ADGRD1: variants seen among roughly 807,000 people sequenced by gnomAD.
ADGRD1 encodes the protein adhesion G protein-coupled receptor D1.
A neutral mutation model predicts 113.4 loss-of-function variants in ADGRD1; 77 were observed. The observed-to-expected ratio is 0.68, with a 90% CI of 0.57 to 0.82. The LOEUF (loss-of-function observed/expected upper bound fraction) is 0.82, where lower values mean the gene tolerates loss of function less well. Ranked by LOEUF, ADGRD1 falls within the 40% of genes least tolerant of loss-of-function variation. ADGRD1 has a pLI of 0.00. For synonymous variants in ADGRD1, 474 were observed against 475.0 expected (o/e 1.00, Z 0.03); for missense variants, 1,036 against 1,139.1 (o/e 0.91, Z 1.30).
At chr12:130,979,131 C>G (rs1872665251) in intron 4 of ADGRD1, among the ~76,000 whole-genome samples, 1 of 152,210 alleles carries the variant, frequency 6.6e-6, no homozygotes, top group Non-Finnish European at 1.5e-5. Context: ...TCTGTGCAAC[C>G]CCCACAGTCG....
At position 130,957,227 on chromosome 12, in the gene ADGRD1, C is replaced by A. The variant is rs1869731759; in HGVS notation, c.103+2567C>A. 9 of 152,442 alleles carry A rather than the reference C, an allele frequency of 5.9e-5. No homozygotes were observed. The South Asian group carries it at 1.4e-3, about 25-fold the overall frequency. 9.4% of individuals were successfully genotyped at this position (152,442 alleles called of 1,614,324 possible). A position where few individuals can be genotyped will look rare whatever the true frequency, so the allele number is the denominator to read the frequency against. On this transcript the variant is annotated intron_variant, in intron 2 of 24. Coordinates refer to ENST00000261654, the MANE Select transcript of ADGRD1 (RefSeq NM_198827.5). ...GTCCACACATATCCACGTGTCTACA[C>A]ACATGACCACACAGTCACAGACTAC... is the stretch of plus-strand genomic sequence containing the variant.
intron 15 of ADGRD1, among the ~76,000 whole-genome samples, chr12:131,104,624 C>T (rs142578557): frequency 8.4e-4 from 128 of 152,142 alleles, no homozygotes; most frequent in African/African-American, 2.8e-3. Flanking sequence ...CTCGGGGCAC[C>T]GGACATGCAC....
intron 24 of ADGRD1, among the ~76,000 whole-genome samples, chr12:131,138,659 C>T (rs1381039659): frequency 6.6e-6 from 1 of 152,312 alleles, no homozygotes; most frequent in East Asian, 1.9e-4. Context: ...TCCCCGCACA[C>T]GGTGCTCAAT....
Position 131,084,719 on chromosome 12 carries a change from G to T in ADGRD1, c.1671+56G>T. 6.3e-7 allele frequency: 1 copy of T among 1,586,638 alleles called. No individual in the cohort carries two copies. Among genetic ancestry groups the T allele is most frequent in the East Asian group, 2.3e-5 (1 of 43,654 alleles). On this transcript the variant is annotated intron_variant, in intron 15 of 24. Transcript: ENST00000261654. The surrounding 1 kb of genome is among the most constrained non-coding windows in gnomAD (Gnocchi z 4.5). The stretch of plus-strand genomic sequence containing the variant: ...CTGGGGGACGTACCATGAGGCTGCA[G>T]GTGGGGGCGGGAGGATGCTTTGCCC...
At chr12:131,108,369 C>T (rs1950278887) in intron 17 of ADGRD1, among the ~76,000 whole-genome samples, 1 of 152,104 alleles carries the variant, frequency 6.6e-6, no homozygotes, top group African/African-American at 2.4e-5. Flanking sequence ...TTCCATAGTC[C>T]CTGCCTTAGC....
chr12:131,094,001 GAGCACCCAGCCTCAGCACCCAGCGTC>G (rs1566103772), intron 15 of ADGRD1, among the ~76,000 whole-genome samples: 4 of 62,146 alleles, frequency 6.4e-5, no homozygotes, highest in Non-Finnish European at 1.4e-4. Flanking sequence ...ACCCAGCCCT[GAGCACCCAGCCTCAGCACCCAGCGTC>G]AGCACCCAGC....
chr12:131,109,870 T>C (rs1950313303), intron 18 of ADGRD1, among the ~76,000 whole-genome samples: 1 of 152,240 alleles, frequency 6.6e-6, no homozygotes, highest in Admixed American at 6.5e-5. Flanking sequence ...TTCAATTTGT[T>C]GATGTTGTTT....
At chr12:131,090,090 G>A (rs1033082133) in intron 15 of ADGRD1, among the ~76,000 whole-genome samples, 2 of 152,154 alleles carry the variant, frequency 1.3e-5, no homozygotes, top group African/African-American at 2.4e-5. Flanking sequence ...GACGACTTAC[G>A]GTCTCGATCC....
intron 15 of ADGRD1, among the ~76,000 whole-genome samples, chr12:131,100,885 T>C (rs763517802): frequency 5.9e-5 from 9 of 152,220 alleles, no homozygotes; most frequent in African/African-American, 2.2e-4. Context: ...TTAAAAGATA[T>C]TAATCAGTGA....
intron 15 of ADGRD1, among the ~76,000 whole-genome samples, chr12:131,100,584 G>A (rs1441995055): frequency 6.6e-6 from 1 of 152,110 alleles, no homozygotes; most frequent in Non-Finnish European, 1.5e-5. Flanking sequence ...TTGGTTGATG[G>A]TGGGTTGATT....
chr12:131,055,117 G>C (rs563622028), intron 13 of ADGRD1, among the ~76,000 whole-genome samples: 2 of 152,176 alleles, frequency 1.3e-5, no homozygotes, highest in Admixed American at 1.3e-4. Flanking sequence ...CGCTTAATTT[G>C]TGGAGGGAAA....
In ADGRD1 at chr12:130,984,857, C is replaced by T. The variant is rs1281576967; in HGVS notation, c.491-2238C>T. On this transcript the variant is annotated intron_variant, in intron 5 of 24. Transcript: ENST00000261654. The surrounding 1 kb of genome is among the most constrained non-coding windows in gnomAD (Gnocchi z 4.1). Reference sequence around the variant, plus strand: ...CCTTCTTGCCTTCCATCCTCCCTTGCTCCCTTCCTTTCCTTCTTTCCTTCC... The same window carrying T: ...CCTTCTTGCCTTCCATCCTCCCTTGTTCCCTTCCTTTCCTTCTTTCCTTCC... Among the ~76,000 whole-genome samples, 1 of 149,424 alleles carries T rather than the reference C, an allele frequency of 6.7e-6. No homozygotes were observed. Among genetic ancestry groups the T allele is most frequent in the East Asian group, 2.0e-4 (1 of 5,066 alleles).
intron 3 of ADGRD1, chr12:130,968,515 G>T (rs1871265730): frequency 6.3e-6 from 1 of 159,780 alleles, no homozygotes; most frequent in South Asian, 1.9e-4. Flanking sequence ...GTGCGGCTTT[G>T]TCGTTTGTTG....
At chr12:130,992,641 C>T (rs1593311203) in intron 8 of ADGRD1, among the ~76,000 whole-genome samples, 1 of 152,196 alleles carries the variant, frequency 6.6e-6, no homozygotes, top group African/African-American at 2.4e-5. Context: ...CCTGCCTGGT[C>T]CCCCCTGTGC....
intron 4 of ADGRD1, among the ~76,000 whole-genome samples, chr12:130,975,809 G>C (rs1006083817): frequency 6.6e-6 from 1 of 152,170 alleles, no homozygotes; most frequent in Non-Finnish European, 1.5e-5. Flanking sequence ...CTTTTAGTGT[G>C]TTATTTCTGA....
chr12:131,130,195 A>C (rs1950878001), intron 20 of ADGRD1, among the ~76,000 whole-genome samples: 1 of 152,158 alleles, frequency 6.6e-6, no homozygotes, highest in Non-Finnish European at 1.5e-5. Context: ...CTGGGTGGCT[A>C]ATGTGTTGAC....
chr12:130,966,007 CTCAGTGTCTGGCATACCAT>C lies in ADGRD1; in HGVS notation c.104-452_104-434del, dbSNP rs1308178423. ...AAGTGAGGAAGTGCTTGTTAAGGAC[CTCAGTGTCTGGCATACCAT>C]TCATGTTAGTTTTCTCCTCTTTTAA... On this transcript the variant is annotated intron_variant, in intron 2 of 24. Transcript: ENST00000261654. This position sits in a 1 kb window ranked among gnomAD's most constrained non-coding sequence, Gnocchi z 4.6. Among the ~76,000 whole-genome samples the C allele has an allele frequency of 1.3e-5, 2 of 152,148 alleles. No individual in the cohort carries two copies. The highest frequency in any genetic ancestry group is 4.8e-5 in the African/African-American group (2 of 41,446).
chr12:131,120,095 C>T (rs539790108), intron 19 of ADGRD1, among the ~76,000 whole-genome samples: 4 of 152,230 alleles, frequency 2.6e-5, no homozygotes, highest in South Asian at 2.1e-4. Context: ...TGAGCAGTCA[C>T]GGAGGGATGA....
intron 15 of ADGRD1, among the ~76,000 whole-genome samples, chr12:131,085,330 C>T (rs531685652): frequency 2.1e-4 from 32 of 152,160 alleles, no homozygotes; most frequent in African/African-American, 7.2e-4. Flanking sequence ...TGTTCTAGGC[C>T]AGGAAACAGC....
Sources: gnomAD v4.1 joint callset for allele counts (sites outside exome capture counted in the v4.1 genomes callset) on GRCh38, gnomAD v4.1.1 for gene constraint, Gnocchi (gnomAD v3.1) non-coding constraint, MANE v1.5 for transcripts, NCBI Gene and HGNC (gene_info 2026-07-23, HGNC 2026-07-21) for gene names.